The following CHD7 variants were observed in gnomAD, a reference collection of about 807,000 sequenced individuals.
CHD7 encodes ATP-dependent chromatin remodeler CHD7.
Under a neutral mutation model 307.3 loss-of-function variants are expected in CHD7, and 24 were observed. That is an observed-to-expected ratio of 0.08 (90% CI 0.06 to 0.11). The LOEUF (loss-of-function observed/expected upper bound fraction) is 0.11. Ranked by LOEUF, CHD7 falls within the 10% of genes least tolerant of loss-of-function variation. CHD7 has a pLI of 1.00. For missense variants in CHD7, 3,106 were observed against 3,727.1 expected (o/e 0.83, Z 4.34); for synonymous variants, 1,363 against 1,349.9 (o/e 1.01, Z -0.21).
intron 1 of CHD7, among the ~76,000 whole-genome samples, chr8:60,730,630 GCGGGT>G (rs1320192291): frequency 6.6e-6 from 1 of 152,216 alleles, no homozygotes; most frequent in East Asian, 1.9e-4. Context: ...GGAGGCCGAG[GCGGGT>G]GGATCACGAG....
rs909246561 is a variant in CHD7 at position 60,678,935 on chromosome 8, T to G, written c.-322T>G. 1.3e-5 allele frequency: 2 copies of G among 152,054 alleles called. No individual in the cohort carries two copies. The highest frequency in any genetic ancestry group is 4.8e-5 in the African/African-American group (2 of 41,272). The allele number at this position is 152,054 out of a possible 1,614,324, so 9.4% of individuals were successfully genotyped here. A position where few individuals can be genotyped will look rare whatever the true frequency, so the allele number is the denominator to read the frequency against. On this transcript the variant is annotated 5_prime_UTR_variant, in exon 1 of 38. Coordinates refer to ENST00000423902, the MANE Select transcript of CHD7 (RefSeq NM_017780.4). Reference sequence around the variant, plus strand: ...AGGCGGCCCGGGGACCCGGACACCCTGAAACTCACCAGAGACCCGTTCGCC... The same window carrying G: ...AGGCGGCCCGGGGACCCGGACACCCGGAAACTCACCAGAGACCCGTTCGCC...
intron 35 of CHD7, 63 bp downstream of exon 35, chr8:60,861,188 C>A (rs1331721965): frequency 1.6e-6 from 2 of 1,277,194 alleles, no homozygotes; most frequent in African/African-American, 1.5e-5. Context: ...CATTCCCTTA[C>A]AACATAGAAA....
chr8:60,852,466 T>A (rs1450346816), intron 29 of CHD7, 32 bp from the exon 30 acceptor site: 33 of 1,573,278 alleles, frequency 2.1e-5, no homozygotes, highest in Non-Finnish European at 2.7e-5. Flanking sequence ...TTTCCTGAAG[T>A]ATGATGCAAG....
At chr8:60,694,674 A>G (rs1021373587) in intron 1 of CHD7, among the ~76,000 whole-genome samples, 1 of 152,186 alleles carries the variant, frequency 6.6e-6, no homozygotes, top group African/African-American at 2.4e-5. Context: ...GCAGCTTTGC[A>G]GGAGCTATGG....
intron 1 of CHD7, among the ~76,000 whole-genome samples, chr8:60,702,243 A>G (rs1013187083): frequency 2.6e-5 from 4 of 152,222 alleles, no homozygotes; most frequent in Admixed American, 2.6e-4. Flanking sequence ...CACAGGGAGC[A>G]CTTACTAAAT....
intron 7 of CHD7, among the ~76,000 whole-genome samples, chr8:60,810,418 TACAC>T (rs988884481): frequency 3.3e-5 from 5 of 150,868 alleles, no homozygotes; most frequent in South Asian, 2.1e-4. Context: ...TGTATCGAGT[TACAC>T]ACACACTTAT....
At chr8:60,679,566 G>T in intron 1 of CHD7, 1 of 148,332 alleles carries the variant, frequency 6.7e-6, no homozygotes, top group South Asian at 1.8e-4. Context: ...AGGAAAAGTT[G>T]GGCTCCAACT....
chr8:60,833,195 G>C (rs1480694262), intron 15 of CHD7, among the ~76,000 whole-genome samples: 1 of 152,172 alleles, frequency 6.6e-6, no homozygotes, highest in Non-Finnish European at 1.5e-5. Context: ...GAGTAAAGAA[G>C]CCTCAATCAA....
chr8:60,827,120 G>A (rs995140867), intron 13 of CHD7, among the ~76,000 whole-genome samples: 1 of 152,158 alleles, frequency 6.6e-6, no homozygotes, highest in Non-Finnish European at 1.5e-5. Flanking sequence ...TTGAAGGGAA[G>A]CTGCATAAGA....
At chr8:60,765,537 G>C (rs1330412763) in intron 2 of CHD7, among the ~76,000 whole-genome samples, 1 of 152,232 alleles carries the variant, frequency 6.6e-6, no homozygotes, top group African/African-American at 2.4e-5. Context: ...TGAAGGTTGA[G>C]TAGGAATTAA....
In CHD7 at chr8:60,741,937, C is replaced by T; in HGVS notation, c.505C>T (p.Pro169Ser). 1 of 1,613,290 alleles carries T rather than the reference C, an allele frequency of 6.2e-7. No homozygotes were observed. The highest frequency in any genetic ancestry group is 1.1e-5 in the South Asian group (1 of 91,030). ...CCAGCAGCAGCAGCCACAGCCGCAG[C>T]CACCGCAGCCGGCTCCGTCGGGGCC... is the stretch of plus-strand genomic sequence containing the variant. ...PYQQQQPQPQ[P>S]PQPAPSGPPA... Residue 169 changes from proline to serine, a missense_variant, in exon 2 of 38, where the codon CCA (proline) becomes TCA (serine). Coordinates refer to ENST00000423902, the MANE Select transcript of CHD7 (RefSeq NM_017780.4).
At chr8:60,859,392 A>T (rs1489640297) in intron 34 of CHD7, among the ~76,000 whole-genome samples, 1 of 152,248 alleles carries the variant, frequency 6.6e-6, no homozygotes, top group Non-Finnish European at 1.5e-5. Context: ...ACAAGCTGGC[A>T]CTATTCCCTG....
intron 2 of CHD7, among the ~76,000 whole-genome samples, chr8:60,770,398 A>G (rs774626983): frequency 7.4e-4 from 113 of 152,150 alleles, no homozygotes; most frequent in Non-Finnish European, 2.9e-5. Flanking sequence ...CTGTTTGTTT[A>G]TTATTGCGTT....
At chr8:60,843,920 A>G (rs2150790754) in intron 21 of CHD7, among the ~76,000 whole-genome samples, 1 of 152,324 alleles carries the variant, frequency 6.6e-6, no homozygotes, top group East Asian at 1.9e-4. Flanking sequence ...CAGGAGCCAG[A>G]GAGGACCAGG....
At chr8:60,834,693 A>G (rs1804666475) in intron 15 of CHD7, among the ~76,000 whole-genome samples, 1 of 152,228 alleles carries the variant, frequency 6.6e-6, no homozygotes, top group South Asian at 2.1e-4. Context: ...GGAAGGCCTT[A>G]GTGCTTGGGA....
chr8:60,775,010 A>T (rs1242866227), intron 2 of CHD7, among the ~76,000 whole-genome samples: 2 of 152,080 alleles, frequency 1.3e-5, no homozygotes, highest in African/African-American at 2.4e-5. Context: ...ATTGTTTCAG[A>T]TGCTACTAAT....
intron 1 of CHD7, among the ~76,000 whole-genome samples, chr8:60,719,077 CT>C (rs1241647211): frequency 1.3e-5 from 2 of 152,214 alleles, no homozygotes; most frequent in African/African-American, 4.8e-5. Flanking sequence ...GATAAAATCA[CT>C]TAGCGACACA....
At chr8:60,743,871 G>T (rs1424420072) in intron 2 of CHD7, among the ~76,000 whole-genome samples, 1 of 152,162 alleles carries the variant, frequency 6.6e-6, no homozygotes, top group Non-Finnish European at 1.5e-5. Flanking sequence ...ATTATTCTTA[G>T]TGCTATTCAA....
At chr8:60,851,220 A>T (rs746129990) in intron 27 of CHD7, 42 bp from the exon 28 acceptor site, 1 of 1,529,872 alleles carries the variant, frequency 6.5e-7, no homozygotes, top group Non-Finnish European at 8.9e-7. Flanking sequence ...GAAAAATGAG[A>T]CCCCAAATTA....
Sources: allele counts gnomAD v4.1 joint callset (sites outside exome capture counted in the v4.1 genomes callset), GRCh38; gene constraint gnomAD v4.1.1; transcripts MANE v1.5; gene names NCBI Gene and HGNC (gene_info 2026-07-23, HGNC 2026-07-21).